MTCL1: variants seen among roughly 807,000 people sequenced by gnomAD.
MTCL1 encodes the protein microtubule cross-linking factor 1.
A neutral mutation model predicts 141.4 loss-of-function variants in MTCL1; 79 were observed. That is an observed-to-expected ratio of 0.56 (90% CI 0.47 to 0.67). MTCL1 has a LOEUF of 0.67. Among genes scored for constraint, MTCL1 ranks in the 30% least tolerant of loss-of-function variants. The pLI, the probability that MTCL1 is intolerant of heterozygous loss-of-function variation, is 0.00. For synonymous variants in MTCL1, 914 were observed against 875.8 expected (o/e 1.04, Z -0.77); for missense variants, 2,177 against 2,113.9 (o/e 1.03, Z -0.59).
At chr18:8,767,374 C>T (rs2096464360) in intron 4 of MTCL1, among the ~76,000 whole-genome samples, 1 of 152,152 alleles carries the variant, frequency 6.6e-6, no homozygotes, top group Non-Finnish European at 1.5e-5. Context: ...GGATCCTAGG[C>T]AGGTATGGGT....
At chr18:8,818,927 G>T in intron 12 of MTCL1, 36 bp from the exon 12 acceptor site, 1 of 1,580,372 alleles carries the variant, frequency 6.3e-7, no homozygotes, top group Non-Finnish European at 8.6e-7. Flanking sequence ...AGACAGAAAA[G>T]TGAGGCTAAT....
chr18:8,815,972 G>A (rs865783260), intron 12 of MTCL1, among the ~76,000 whole-genome samples: 24 of 152,214 alleles, frequency 1.6e-4, no homozygotes, highest in Admixed American at 5.9e-4. Context: ...ACATGCAATG[G>A]TGGCTTTCAA....
At chr18:8,766,012 C>T (rs1017749142) in intron 4 of MTCL1, among the ~76,000 whole-genome samples, 1 of 152,186 alleles carries the variant, frequency 6.6e-6, no homozygotes, top group African/African-American at 2.4e-5. Context: ...GAATAATGCA[C>T]ACATTCACCC....
chr18:8,767,345 C>A (rs771855958), intron 4 of MTCL1, among the ~76,000 whole-genome samples: 26 of 152,304 alleles, frequency 1.7e-4, no homozygotes, highest in Admixed American at 3.9e-4. Context: ...TGGAACCAAG[C>A]AGTGGCTCCA....
At chr18:8,775,888 C>T (rs1006729013) in intron 4 of MTCL1, among the ~76,000 whole-genome samples, 12 of 152,090 alleles carry the variant, frequency 7.9e-5, no homozygotes, top group East Asian at 1.9e-4. Context: ...TTATATTTTC[C>T]GGGTCTCCAG....
At chr18:8,760,718 G>T (rs936147007) in intron 4 of MTCL1, among the ~76,000 whole-genome samples, 1 of 151,928 alleles carries the variant, frequency 6.6e-6, no homozygotes, top group Non-Finnish European at 1.5e-5. Flanking sequence ...CTGCATGTGT[G>T]TATGTGTGCA....
At chr18:8,739,729 GTTTGTTCGTTTGT>G (rs1197410377) in intron 4 of MTCL1, among the ~76,000 whole-genome samples, 1 of 21,684 alleles carries the variant, frequency 4.6e-5, no homozygotes, top group Non-Finnish European at 8.0e-5. Context: ...TTGTTTGTTT[GTTTGTTCGTTTGT>G]TTTTTTTTGA....
rs144446702 is a variant in MTCL1, at chr18:8,718,661, G to A, written c.198+13G>A. On this transcript the variant is annotated intron_variant, in intron 3 of 16. Transcript: ENST00000359865. ...GCAGGACTTGAAGGTGAGTGAGGGGGTGGTGCGTGCACCTCGCAAGGCTGC... is the reference window on the plus strand; with the variant it reads ...GCAGGACTTGAAGGTGAGTGAGGGGATGGTGCGTGCACCTCGCAAGGCTGC... 2 of 1,611,602 alleles carry A rather than the reference G, an allele frequency of 1.2e-6. No homozygotes were observed. The highest frequency in any genetic ancestry group is 2.2e-5 in the South Asian group (2 of 90,976).
At chr18:8,782,109 A>G (rs1325231919) in intron 5 of MTCL1, 2 of 152,250 alleles carry the variant, frequency 1.3e-5, no homozygotes, top group African/African-American at 4.8e-5. Flanking sequence ...GTGCGACCAG[A>G]CTGCGGCAGA....
intron 4 of MTCL1, among the ~76,000 whole-genome samples, chr18:8,725,780 T>TTTTTTTTTTA (rs2096204779): frequency 1.9e-5 from 1 of 51,428 alleles, no homozygotes; most frequent in African/African-American, 1.2e-4. Flanking sequence ...CATTTTCTTT[T>TTTTTTTTTTA]TTTTTTTTTC....
chr18:8,824,576 C>G, intron 14 of MTCL1, 123 bp from the exon 14 acceptor site: 1 of 743,316 alleles, frequency 1.3e-6, no homozygotes, highest in South Asian at 1.9e-5. Context: ...TGACAGTGTT[C>G]TCCTGGTGTG....
intron 4 of MTCL1, among the ~76,000 whole-genome samples, chr18:8,721,476 G>C (rs2096171962): frequency 6.6e-6 from 1 of 152,178 alleles, no homozygotes; most frequent in African/African-American, 2.4e-5. Flanking sequence ...AAAGTAGCAG[G>C]CGTGCCCCTC....
At chr18:8,733,991 A>G (rs760378075) in intron 4 of MTCL1, among the ~76,000 whole-genome samples, 11 of 152,204 alleles carry the variant, frequency 7.2e-5, no homozygotes, top group Non-Finnish European at 1.5e-4. Flanking sequence ...GAGGTTACTC[A>G]CAGGGTCACC....
chr18:8,825,308 G>A (rs779539066), exon 15 of MTCL1: 3 of 1,540,762 alleles, frequency 1.9e-6, no homozygotes, highest in Non-Finnish European at 2.6e-6. Context: ...CCTCCCTGGG[G>A]TTTGCCTCCC....
chr18:8,723,787 A>G (rs485322), intron 4 of MTCL1, among the ~76,000 whole-genome samples: 63,850 of 151,802 alleles, frequency 0.42, 14,758 homozygotes, highest in African/African-American at 0.59. Context: ...TTCTTCAGCC[A>G]CTTGCTCAGT....
exon 6 of MTCL1, chr18:8,784,618 T>C (rs1461883376): frequency 6.2e-7 from 1 of 1,613,182 alleles, no homozygotes. Context: ...AGGAGCAGGG[T>C]GAGGGGGACC....
At chr18:8,775,880 A>G (rs892516341) in intron 4 of MTCL1, among the ~76,000 whole-genome samples, 6 of 152,114 alleles carry the variant, frequency 3.9e-5, no homozygotes, top group African/African-American at 1.2e-4. Flanking sequence ...TATCTATTTT[A>G]TATTTTCCGG....
Position 8,737,277 on chromosome 18 carries a change from A to G in MTCL1, c.357+16781A>G, listed in dbSNP as rs188742613. On this transcript the variant is annotated intron_variant, in intron 4 of 16. Coordinates refer to ENST00000359865, the Ensembl canonical transcript of MTCL1. The stretch of plus-strand genomic sequence containing the variant: ...TAAAGTTTTCTTGAGCTCTTGCACT[A>G]GGCTCTGTTTTGACATTTAGTAAAT... Among the ~76,000 whole-genome samples, 14 of 152,348 alleles carry G rather than the reference A, an allele frequency of 9.2e-5. No homozygotes were observed. In the East Asian group the frequency reaches 9.6e-4, roughly 10 times the overall value.
chr18:8,735,918 T>G (rs1336144811), intron 4 of MTCL1, among the ~76,000 whole-genome samples: 1 of 152,206 alleles, frequency 6.6e-6, no homozygotes, highest in East Asian at 1.9e-4. Context: ...TATATTTTTT[T>G]TAACCAAAAT....
Sources: allele counts gnomAD v4.1 joint callset (sites outside exome capture counted in the v4.1 genomes callset), GRCh38; gene constraint gnomAD v4.1.1; transcripts MANE v1.5; gene names NCBI Gene and HGNC (gene_info 2026-07-23, HGNC 2026-07-21).